Variants in RAF1 observed in about 807,000 individuals in gnomAD.
RAF1 encodes Raf-1 proto-oncogene, serine/threonine kinase.
RAF1 carries 27 observed loss-of-function variants against 81.1 expected under a neutral mutation model. The ratio of observed to expected loss-of-function variants is 0.33; its 90% CI spans 0.25 to 0.46. RAF1 has a LOEUF of 0.46. RAF1 is among the 20% of genes least tolerant of loss of function. The pLI is 1.00. For synonymous variants in RAF1, 298 were observed against 294.0 expected, an observed-to-expected ratio of 1.01 and a Z score of -0.14; for missense variants, 598 against 826.0, an observed-to-expected ratio of 0.72 and a Z score of 3.38.
intron 1 of RAF1, among the ~76,000 whole-genome samples, chr3:12,633,604 G>C (rs1474855395): frequency 2.0e-5 from 3 of 149,414 alleles, no homozygotes; most frequent in African/African-American, 7.4e-5. Context: ...CACAATAATG[G>C]AGGACCAGAT....
At chr3:12,614,773 T>C (rs1437740933) in intron 2 of RAF1, among the ~76,000 whole-genome samples, 2 of 152,164 alleles carry the variant, frequency 1.3e-5, no homozygotes, top group African/African-American at 2.4e-5. Flanking sequence ...TAAAAGTTTC[T>C]TGACGCAGTG....
chr3:12,655,157 A>C (rs1396498403), intron 1 of RAF1, among the ~76,000 whole-genome samples: 1 of 152,236 alleles, frequency 6.6e-6, no homozygotes, highest in Non-Finnish European at 1.5e-5. Flanking sequence ...ATCTCAGCTC[A>C]CTGCAACCTC....
intron 1 of RAF1, among the ~76,000 whole-genome samples, chr3:12,649,108 C>A (rs193139979): frequency 2.0e-5 from 3 of 152,092 alleles, no homozygotes; most frequent in Admixed American, 6.6e-5. Flanking sequence ...GAGCAAAACT[C>A]AGTCTCAGAA....
At chr3:12,658,729 G>A (rs1475440329) in intron 1 of RAF1, among the ~76,000 whole-genome samples, 3 of 152,196 alleles carry the variant, frequency 2.0e-5, no homozygotes, top group African/African-American at 7.2e-5. Flanking sequence ...CTTTAGGATT[G>A]TTAAGCCCCA....
chr3:12,637,596 G>T (rs1295638651), intron 1 of RAF1, among the ~76,000 whole-genome samples: 1 of 151,990 alleles, frequency 6.6e-6, no homozygotes, highest in Non-Finnish European at 1.5e-5. Flanking sequence ...TGGAGGCCGG[G>T]CACAGTGGCT....
chr3:12,611,459 C>T (rs554705105), intron 3 of RAF1, among the ~76,000 whole-genome samples: 1 of 152,204 alleles, frequency 6.6e-6, no homozygotes, highest in East Asian at 1.9e-4. Context: ...CCTCAAGCAA[C>T]CCTCTTGCCT....
At chr3:12,649,022 G>A (rs1013770568) in intron 1 of RAF1, among the ~76,000 whole-genome samples, 8 of 152,120 alleles carry the variant, frequency 5.3e-5, no homozygotes, top group East Asian at 1.9e-4. Flanking sequence ...GCTGAGGCAG[G>A]AGAATTGCTG....
At chr3:12,620,006 C>A (rs914171627) in intron 1 of RAF1, among the ~76,000 whole-genome samples, 1 of 151,946 alleles carries the variant, frequency 6.6e-6, no homozygotes, top group Non-Finnish European at 1.5e-5. Flanking sequence ...GGCGTGAACC[C>A]GGGAGGCAGA....
In RAF1 at chr3:12,586,429, A is replaced by G. The variant is rs2058335775; in HGVS notation, c.1478-630T>C. On this transcript the variant is annotated intron_variant, in intron 14 of 17. Transcript: ENST00000442415. ...AAAAAAAATTAAAAAAGAACAAAAA[A>G]TTAAAAAACAAAACACACACAAAGT... Among the ~76,000 whole-genome samples, 4 of 152,324 alleles carry G rather than the reference A, an allele frequency of 2.6e-5. No homozygotes were observed. The South Asian group carries it at 8.3e-4, about 32-fold the overall frequency.
chr3:12,616,954 A>G (rs547844317), intron 2 of RAF1, among the ~76,000 whole-genome samples: 13 of 152,240 alleles, frequency 8.5e-5, no homozygotes, highest in African/African-American at 3.1e-4. Flanking sequence ...TTTCTTTGAG[A>G]AGGGGTCTGG....
chr3:12,637,801 C>T (rs866105633), intron 1 of RAF1, among the ~76,000 whole-genome samples: 4 of 151,922 alleles, frequency 2.6e-5, no homozygotes, highest in Admixed American at 1.3e-4. Context: ...TGCAGTGAGC[C>T]GAAATTGCAC....
chr3:12,612,112 T>TG (rs2059230050), intron 2 of RAF1, 50 bp from the exon 3 acceptor site: 2 of 1,425,354 alleles, frequency 1.4e-6, no homozygotes, highest in African/African-American at 2.8e-5. Context: ...CAGCACCCCT[T>TG]GGAAAGGTGG....
chr3:12,603,301 A>G (rs1296349340), intron 8 of RAF1, among the ~76,000 whole-genome samples: 1 of 152,172 alleles, frequency 6.6e-6, no homozygotes, highest in African/African-American at 2.4e-5. Flanking sequence ...TTACTTCTAT[A>G]TACTCTACTG....
At chr3:12,625,063 T>A (rs1340961902) in intron 1 of RAF1, among the ~76,000 whole-genome samples, 1 of 152,122 alleles carries the variant, frequency 6.6e-6, no homozygotes, top group Non-Finnish European at 1.5e-5. Context: ...CTATTTTTTA[T>A]CAATTTGTAA....
Position 12,632,553 on chromosome 3 carries a change from G to A in RAF1, c.-26-13806C>T, listed in dbSNP as rs182815965. On this transcript the variant is annotated intron_variant, in intron 1 of 17. Coordinates refer to ENST00000442415, the MANE Select transcript of RAF1 (RefSeq NM_001354689.3). The stretch of plus-strand genomic sequence containing the variant: ...TGATAAAGGCAACCAACAACAGTGG[G>A]TATAATCTTTCTAAGAATTCCACAT... Among the ~76,000 whole-genome samples the A allele has an allele frequency of 3.0e-3, 453 of 152,206 alleles. 3 individuals are homozygous for A. Among genetic ancestry groups the A allele is most frequent in the African/African-American group, 1.0e-2 (414 of 41,546 alleles).
At chr3:12,620,491 G>A (rs112800811) in intron 1 of RAF1, among the ~76,000 whole-genome samples, 1,576 of 152,020 alleles carry the variant, frequency 0.01, 21 homozygotes, top group African/African-American at 0.036. Flanking sequence ...TATTTTCTGA[G>A]ACAGGGTCTT....
intron 1 of RAF1, among the ~76,000 whole-genome samples, chr3:12,662,172 TA>T (rs1166818619): frequency 8.9e-6 from 1 of 112,656 alleles, no homozygotes; most frequent in Non-Finnish European, 1.9e-5. Flanking sequence ...CCATCTCTAC[TA>T]TTTTTTTTTT....
intron 11 of RAF1, among the ~76,000 whole-genome samples, chr3:12,598,754 C>CAAA (rs1491128080): frequency 9.0e-6 from 1 of 111,224 alleles, no homozygotes; most frequent in Non-Finnish European, 1.8e-5. Flanking sequence ...AAAAAAAAAA[C>CAAA]CACCAAGTAC....
chr3:12,644,284 G>C (rs1025077988), intron 1 of RAF1, among the ~76,000 whole-genome samples: 7 of 152,152 alleles, frequency 4.6e-5, no homozygotes, highest in African/African-American at 1.7e-4. Context: ...TCACATTAAA[G>C]CTAAATCTGA....
Sources: allele counts gnomAD v4.1 joint callset (sites outside exome capture counted in the v4.1 genomes callset), GRCh38; gene constraint gnomAD v4.1.1; transcripts MANE v1.5; gene names NCBI Gene and HGNC (gene_info 2026-07-23, HGNC 2026-07-21).